Variants in LMO7 observed in about 807,000 individuals in gnomAD.
LMO7 encodes LIM domain 7.
A neutral mutation model predicts 206.5 loss-of-function variants in LMO7; 120 were observed. That is an observed-to-expected ratio of 0.58 (90% CI 0.50 to 0.68). LMO7 has a LOEUF of 0.68. LMO7 is among the 30% of genes least tolerant of loss of function. LMO7 has a pLI of 0.00. For synonymous variants in LMO7, 706 were observed against 681.5 expected, an observed-to-expected ratio of 1.04 and a Z score of -0.56; for missense variants, 1,959 against 1,957.9, an observed-to-expected ratio of 1.00 and a Z score of -0.01.
chr13:75,675,502 G>T (rs759084435), intron 1 of LMO7, among the ~76,000 whole-genome samples: 1 of 152,044 alleles, frequency 6.6e-6, no homozygotes, highest in Non-Finnish European at 1.5e-5. Flanking sequence ...GTAGAAAATT[G>T]GGCTTCATTT....
intron 3 of LMO7, among the ~76,000 whole-genome samples, chr13:75,731,146 C>T (rs1035065710): frequency 5.3e-5 from 8 of 151,968 alleles, no homozygotes; most frequent in East Asian, 1.9e-4. Flanking sequence ...CTATTAGGTC[C>T]GCCTGGTGCA....
At chr13:75,706,761 A>G (rs1201139175) in intron 1 of LMO7, among the ~76,000 whole-genome samples, 1 of 152,174 alleles carries the variant, frequency 6.6e-6, no homozygotes, top group African/African-American at 2.4e-5. Flanking sequence ...CCCTAATTTT[A>G]AAATATCTAA....
intron 3 of LMO7, among the ~76,000 whole-genome samples, chr13:75,737,646 G>C (rs1352945024): frequency 1.4e-5 from 2 of 144,474 alleles, no homozygotes; most frequent in African/African-American, 5.2e-5. Flanking sequence ...CCAGCTACTC[G>C]GGAGGCTGAG....
chr13:75,845,406 C>T, intron 26 of LMO7, 27 bp downstream of exon 26: 2 of 1,422,552 alleles, frequency 1.4e-6, no homozygotes, highest in Non-Finnish European at 2.0e-6. Flanking sequence ...CCCCCAAACT[C>T]CTTCAGAGTT....
At chr13:75,790,726 C>A (rs955525592) in intron 4 of LMO7, among the ~76,000 whole-genome samples, 3 of 152,108 alleles carry the variant, frequency 2.0e-5, no homozygotes, top group African/African-American at 7.2e-5. Context: ...GAGCTTGGGG[C>A]TCCCTTGTTC....
At chr13:75,626,577 T>TATATATATATATATA (rs71127564) in intron 2 of LMO7, among the ~76,000 whole-genome samples, 2,038 of 74,104 alleles carry the variant, frequency 0.028, 163 homozygotes, top group Non-Finnish European at 0.033. Flanking sequence ...AACATATATA[T>TATATATATATATATA]TATATATATA....
intron 27 of LMO7, among the ~76,000 whole-genome samples, chr13:75,849,909 A>C (rs1266958789): frequency 1.3e-5 from 2 of 152,218 alleles, no homozygotes; most frequent in African/African-American, 4.8e-5. Flanking sequence ...ATCACAGAGA[A>C]AGAGCTAATT....
At chr13:75,629,666 GGAGTCCTTTAAA>G (rs1370114007) in intron 2 of LMO7, among the ~76,000 whole-genome samples, 16 of 152,196 alleles carry the variant, frequency 1.1e-4, no homozygotes, top group Non-Finnish European at 2.1e-4. Flanking sequence ...AAGGCCACTG[GGAGTCCTTTAAA>G]GAGGGGTTAA....
At chr13:75,779,732 C>T (rs1201909600) in intron 4 of LMO7, among the ~76,000 whole-genome samples, 2 of 152,144 alleles carry the variant, frequency 1.3e-5, no homozygotes, top group Non-Finnish European at 2.9e-5. Flanking sequence ...ATCCCATTGA[C>T]TTTCTGAAGA....
chr13:75,766,906 C>A (rs1594819637), intron 4 of LMO7, among the ~76,000 whole-genome samples: 1 of 152,148 alleles, frequency 6.6e-6, no homozygotes, highest in African/African-American at 2.4e-5. Flanking sequence ...TGGGGAAAAA[C>A]CTGTCTTAAT....
chr13:75,663,432 C>CTTTCTTTTTTTTTTTTTTTTTTTT (rs1555289857), intron 1 of LMO7, among the ~76,000 whole-genome samples: 2 of 111,408 alleles, frequency 1.8e-5, no homozygotes, highest in African/African-American at 3.8e-5. Context: ...TTCTTTCTTT[C>CTTTCTTTTTTTTTTTTTTTTTTTT]TTTTTTTTTT....
chr13:75,835,100 C>T, intron 17 of LMO7, 133 bp from the exon 18 acceptor site: 1 of 1,161,724 alleles, frequency 8.6e-7, no homozygotes, highest in South Asian at 2.2e-5. Context: ...TGACTTTATT[C>T]TTTCCACTTC....
At position 75,833,147 on chromosome 13, in the gene LMO7, G is replaced by A. The variant is rs139666814; in HGVS notation, c.3046G>A (p.Val1016Ile). 5.0e-6 allele frequency: 8 copies of A among 1,586,932 alleles called. No homozygotes were observed. Among genetic ancestry groups the A allele is most frequent in the East Asian group, 2.2e-5 (1 of 44,710 alleles). ...TIKWDIPGIF[V>I]ASVEAGSPAE... ...AAAATGGGATATTCCTGGGATCTTC[G>A]TAGCATCAGTTGAAGCAGGTAAATT... The change falls in exon 16 of 31, where the codon GTA (valine) becomes ATA (isoleucine). Residue 1016 changes from valine to isoleucine, a missense_variant. Transcript: ENST00000377534.
chr13:75,853,080 T>G lies in LMO7; in HGVS notation c.4365-12T>G, dbSNP rs1381746289. On this transcript the variant is annotated splice_polypyrimidine_tract_variant and intron_variant, in intron 27 of 30. Coordinates refer to ENST00000377534, the MANE Select transcript of LMO7 (RefSeq NM_001306080.2). ...TGTCACATTATTTTGATGAGTCTTT[T>G]TTGTGTTTCAGAGGCGAATCTTTAG... 1 of 1,576,356 alleles carries G rather than the reference T, an allele frequency of 6.3e-7. No homozygotes were observed. The highest frequency in any genetic ancestry group is 1.8e-5 in the Admixed American group (1 of 55,192).
chr13:75,811,009 G>A (rs2141151073), intron 11 of LMO7, among the ~76,000 whole-genome samples: 1 of 152,302 alleles, frequency 6.6e-6, no homozygotes, highest in African/African-American at 2.4e-5. Context: ...CACAAATAAA[G>A]CAAGATTGTC....
At chr13:75,642,436 C>G (rs953087540) in intron 1 of LMO7, among the ~76,000 whole-genome samples, 2 of 115,130 alleles carry the variant, frequency 1.7e-5, no homozygotes, top group Non-Finnish European at 3.4e-5. Context: ...AAGACCCCAT[C>G]TCTACCAAAA....
Position 75,636,726 on chromosome 13 carries a change from G to T in LMO7, c.69G>T (p.Glu23Asp). The part of the protein sequence containing the change: ...VAFAEAQRWV[E>D]AVTEKNFETK... ...TCGCTGAGGCTCAGAGATGGGTGGA[G>T]GTGAGTGCCTTTCACTGCTTTCCCT... Residue 23 changes from glutamate (E) to aspartate (D), a missense_variant and splice_region_variant, in exon 1 of 31, where the codon GAG becomes GAT. Physicochemically the swap from Glu to Asp is conservative, Grantham distance 45. Transcript: ENST00000377534. 6.2e-7 allele frequency: 1 copy of T among 1,605,810 alleles called. No individual in the cohort carries two copies. The highest frequency in any genetic ancestry group is 8.5e-7 in the Non-Finnish European group (1 of 1,176,830).
At chr13:75,857,702 T>C (rs2061080596) in intron 30 of LMO7, 1 of 381,636 alleles carries the variant, frequency 2.6e-6, no homozygotes, top group Admixed American at 4.5e-5. Flanking sequence ...GTAATTTATT[T>C]CTATTGTGAG....
At chr13:75,776,150 G>GTATATATATCTGATATATATATATATA (rs2050366017) in intron 4 of LMO7, among the ~76,000 whole-genome samples, 1 of 45,634 alleles carries the variant, frequency 2.2e-5, no homozygotes, top group Non-Finnish European at 4.9e-5. Context: ...TATATGCCAT[G>GTATATATATCTGATATATATATATATA]TATATATATC....
Sources: allele counts gnomAD v4.1 joint callset (sites outside exome capture counted in the v4.1 genomes callset), GRCh38; gene constraint gnomAD v4.1.1; transcripts MANE v1.5; gene names NCBI Gene and HGNC (gene_info 2026-07-23, HGNC 2026-07-21).